The following WWOX variants were observed in gnomAD, a reference collection of about 807,000 sequenced individuals.
WWOX encodes WW domain-containing oxidoreductase.
Under a neutral mutation model 46.2 loss-of-function variants are expected in WWOX, and 69 were observed. The observed-to-expected ratio is 1.49, with a 90% CI of 1.23 to 1.82. The LOEUF (loss-of-function observed/expected upper bound fraction) is 1.82. Ranked by LOEUF, WWOX falls within the 40% of genes most tolerant of loss-of-function variation. The probability of loss-of-function intolerance (pLI) is 0.00; values close to 1 mark genes in which losing one functional copy is unlikely to be tolerated. For synonymous variants in WWOX, 359 were observed against 202.6 expected (o/e 1.77, Z -6.56); for missense variants, 919 against 542.6 (o/e 1.69, Z -6.89).
intron 8 of WWOX, among the ~76,000 whole-genome samples, chr16:79,051,362 C>G (rs1283159839): frequency 6.6e-6 from 1 of 152,208 alleles, no homozygotes; most frequent in Non-Finnish European, 1.5e-5. Context: ...AAATCCAAAA[C>G]AGGTGCTGTG....
intron 8 of WWOX, among the ~76,000 whole-genome samples, chr16:78,715,468 C>G (rs1373374457): frequency 2.0e-5 from 3 of 151,556 alleles, no homozygotes; most frequent in African/African-American, 7.3e-5. Flanking sequence ...ACCCCACCCC[C>G]ACCCCTACCC....
intron 8 of WWOX, among the ~76,000 whole-genome samples, chr16:79,088,207 C>T (rs181037385): frequency 4.6e-5 from 7 of 152,266 alleles, no homozygotes; most frequent in South Asian, 4.1e-4. Context: ...GCTCAGTCCA[C>T]GGGGTGGCCT....
At chr16:78,735,394 A>AAG (rs2049064664) in intron 8 of WWOX, among the ~76,000 whole-genome samples, 1 of 121,276 alleles carries the variant, frequency 8.2e-6, no homozygotes, top group Non-Finnish European at 1.8e-5. Flanking sequence ...ACCACACACA[A>AAG]ACACACACAC....
chr16:79,123,715 T>C (rs1263187380), intron 8 of WWOX, among the ~76,000 whole-genome samples: 1 of 152,092 alleles, frequency 6.6e-6, no homozygotes, highest in Non-Finnish European at 1.5e-5. Context: ...TGTAGGAACA[T>C]GAAATAATGT....
At chr16:78,360,115 A>G (rs1445607656) in intron 5 of WWOX, among the ~76,000 whole-genome samples, 2 of 152,238 alleles carry the variant, frequency 1.3e-5, no homozygotes, top group Non-Finnish European at 2.9e-5. Flanking sequence ...ATTAAAAACA[A>G]CGACAAAAAT....
At position 78,630,461 on chromosome 16, in the gene WWOX, C is replaced by G. The variant is rs149378970; in HGVS notation, c.1056+197709C>G. On this transcript the variant is annotated intron_variant, in intron 8 of 8. Coordinates refer to ENST00000566780, the MANE Select transcript of WWOX (RefSeq NM_016373.4). The stretch of plus-strand genomic sequence containing the variant: ...TTTGTTATATGCTACAGAGAGGGTG[C>G]CTACGTGGCCAACTTCCAATAAAAA... Among the ~76,000 whole-genome samples the G allele has an allele frequency of 3.1e-3, 474 of 152,272 alleles. 4 individuals carry two copies. Among genetic ancestry groups the G allele is most frequent in the African/African-American group, 0.011 (450 of 41,570 alleles).
Position 78,099,735 on chromosome 16 carries a change from C to T in WWOX, c.-44C>T. The T allele has an allele frequency of 6.6e-7, 1 of 1,514,200 alleles. No homozygotes were observed. Among genetic ancestry groups the T allele is most frequent in the Non-Finnish European group, 8.8e-7 (1 of 1,131,526 alleles). The allele number at this position is 1,514,200 out of a possible 1,614,324, so 93.8% of individuals were successfully genotyped here. A position where few individuals can be genotyped will look rare whatever the true frequency, so the allele number is the denominator to read the frequency against. The stretch of plus-strand genomic sequence containing the variant: ...GGAGTGAGTTCCTGAGCGAGTGGAC[C>T]CGGCAGCGGGCGATAGGGGGGCCAG... On this transcript the variant is annotated 5_prime_UTR_variant, in exon 1 of 9. Transcript: ENST00000566780.
At chr16:78,901,549 A>AGG (rs2044831414) in intron 8 of WWOX, among the ~76,000 whole-genome samples, 1 of 152,090 alleles carries the variant, frequency 6.6e-6, no homozygotes, top group Non-Finnish European at 1.5e-5. Context: ...GTACATTGGT[A>AGG]GGATCTTGGT....
intron 5 of WWOX, among the ~76,000 whole-genome samples, chr16:78,293,706 G>T (rs553458883): frequency 7.2e-5 from 11 of 152,052 alleles, no homozygotes; most frequent in Non-Finnish European, 1.3e-4. Flanking sequence ...GGCTGGGTGC[G>T]GTGCCTCAGG....
At chr16:78,304,239 C>G (rs1038886265) in intron 5 of WWOX, among the ~76,000 whole-genome samples, 1 of 152,252 alleles carries the variant, frequency 6.6e-6, no homozygotes, top group Non-Finnish European at 1.5e-5. Flanking sequence ...TCTGCTCACT[C>G]TCCTTTCTAA....
intron 5 of WWOX, among the ~76,000 whole-genome samples, chr16:78,363,273 T>A (rs1296588117): frequency 6.6e-6 from 1 of 151,228 alleles, no homozygotes; most frequent in East Asian, 1.9e-4. Context: ...GTTTGGGGCA[T>A]TTTTGAGGGC....
chr16:79,001,676 G>C (rs77832299), intron 8 of WWOX, among the ~76,000 whole-genome samples: 3,791 of 151,706 alleles, frequency 0.025, 68 homozygotes, highest in Middle Eastern at 0.048. Flanking sequence ...GGCAGGGGGA[G>C]AGATTTCAAA....
chr16:78,974,684 G>A (rs146608351), intron 8 of WWOX, among the ~76,000 whole-genome samples: 1 of 152,294 alleles, frequency 6.6e-6, no homozygotes, highest in Non-Finnish European at 1.5e-5. Flanking sequence ...ATTATTCTGT[G>A]GCTACCTAAT....
At chr16:78,446,892 C>G (rs369554243) in intron 8 of WWOX, among the ~76,000 whole-genome samples, 1 of 152,012 alleles carries the variant, frequency 6.6e-6, no homozygotes, top group Non-Finnish European at 1.5e-5. Flanking sequence ...AACTTCTGAC[C>G]TCAAGGGATC....
At chr16:79,009,166 C>G (rs565432246) in intron 8 of WWOX, among the ~76,000 whole-genome samples, 3 of 152,328 alleles carry the variant, frequency 2.0e-5, no homozygotes, top group East Asian at 3.9e-4. Context: ...GGCCCATTCA[C>G]TAGGTGAGTG....
chr16:78,967,318 C>T (rs1003372119), intron 8 of WWOX, among the ~76,000 whole-genome samples: 1 of 93,208 alleles, frequency 1.1e-5, no homozygotes, highest in African/African-American at 3.7e-5. Context: ...TTTTTTGAGA[C>T]TCACTCTGTC....
At chr16:78,832,914 G>A (rs918828276) in intron 8 of WWOX, among the ~76,000 whole-genome samples, 2 of 151,764 alleles carry the variant, frequency 1.3e-5, no homozygotes, top group East Asian at 1.9e-4. Flanking sequence ...CTCTCTGAAA[G>A]TAAGAAACTT....
rs149152872 is a variant in WWOX, at chr16:78,198,564, A to G, written c.516+34275A>G. Among the ~76,000 whole-genome samples, 582 of 152,218 alleles carry G rather than the reference A, an allele frequency of 3.8e-3. 3 individuals are homozygous for G. Among genetic ancestry groups the G allele is most frequent in the African/African-American group, 0.013 (552 of 41,536 alleles). ...TGAACAAAGGCAACTTCTAGGAGAA[A>G]TTTCTGTTTTTGATGCTCTCGTGGC... On this transcript the variant is annotated intron_variant, in intron 5 of 8. Coordinates refer to ENST00000566780, the MANE Select transcript of WWOX (RefSeq NM_016373.4).
chr16:78,121,405 G>T (rs778620340), intron 4 of WWOX, among the ~76,000 whole-genome samples: 2 of 152,104 alleles, frequency 1.3e-5, no homozygotes, highest in Non-Finnish European at 2.9e-5. Context: ...TAAAAATTGA[G>T]AATTAGTACC....
Sources: allele counts gnomAD v4.1 joint callset (sites outside exome capture counted in the v4.1 genomes callset), GRCh38; gene constraint gnomAD v4.1.1; transcripts MANE v1.5; gene names NCBI Gene and HGNC (gene_info 2026-07-23, HGNC 2026-07-21).